COL13A1: variants seen among roughly 807,000 people sequenced by gnomAD.
COL13A1 encodes the protein collagen alpha-1(XIII) chain.
A neutral mutation model predicts 130.9 loss-of-function variants in COL13A1; 89 were observed. That is an observed-to-expected ratio of 0.68 (90% CI 0.57 to 0.81). The LOEUF (loss-of-function observed/expected upper bound fraction) is 0.81, where lower values mean the gene tolerates loss of function less well. Ranked by LOEUF, COL13A1 falls within the 30% of genes least tolerant of loss-of-function variation. COL13A1 has a pLI of 0.00. For missense variants in COL13A1, 879 were observed against 934.6 expected, an observed-to-expected ratio of 0.94 and a Z score of 0.78; for synonymous variants, 402 against 341.6, an observed-to-expected ratio of 1.18 and a Z score of -1.95.
intron 37 of COL13A1, 94 bp from the exon 38 acceptor site, chr10:69,947,213 G>T (rs2068686684): frequency 9.2e-7 from 1 of 1,081,986 alleles, no homozygotes; most frequent in African/African-American, 1.6e-5. Context: ...AGTGAGTGAG[G>T]CATTGGGAGA....
rs769448676 is a variant in COL13A1 at position 69,922,689 on chromosome 10, C to T, written c.1144-19C>T. 7 of 1,588,772 alleles carry T rather than the reference C, an allele frequency of 4.4e-6. No homozygotes were observed. The highest frequency in any genetic ancestry group is 6.0e-6 in the Non-Finnish European group (7 of 1,166,798). ...CCTTCCTCCACACCAGGGATGCTAA[C>T]TCCACCTTCCACCCCCAGGGAGAGA... On this transcript the variant is annotated intron_variant, in intron 22 of 40. Transcript: ENST00000645393.
intron 2 of COL13A1, 36 bp from the exon 3 acceptor site, chr10:69,867,761 AT>A: frequency 1.4e-6 from 1 of 718,252 alleles, no homozygotes. Context: ...CCCTACAGCA[AT>A]GACACTGACC....
Position 69,888,339 on chromosome 10 carries a change from A to T in COL13A1, c.576+9A>T. The T allele has an allele frequency of 1.2e-6, 2 of 1,611,938 alleles. No homozygotes were observed. The highest frequency in any genetic ancestry group is 1.7e-6 in the Non-Finnish European group (2 of 1,179,116). On this transcript the variant is annotated intron_variant, in intron 9 of 40. Coordinates refer to ENST00000645393, the MANE Select transcript of COL13A1 (RefSeq NM_001368882.1). ...GGCTGGACGGCAAACCGGTAAGTGG[A>T]CCCGCTCTCTCCCCTCACTGCAGGT...
chr10:69,935,318 C>T (rs1261869863), intron 31 of COL13A1, 32 bp from the exon 32 acceptor site: 3 of 1,564,674 alleles, frequency 1.9e-6, no homozygotes, highest in Non-Finnish European at 2.6e-6. Context: ...AGGGCCACTT[C>T]AAATGTAACA....
chr10:69,958,829 C>T lies in COL13A1; in HGVS notation c.*128C>T, dbSNP rs2136525303. On this transcript the variant is annotated 3_prime_UTR_variant, in exon 41 of 41. Coordinates refer to ENST00000645393, the MANE Select transcript of COL13A1 (RefSeq NM_001368882.1). ...CAGATTATTAAAAAAGAAAGAAAAACCTGCATATTTTGTACAGAAAATATC... is the reference window on the plus strand; with the variant it reads ...CAGATTATTAAAAAAGAAAGAAAAATCTGCATATTTTGTACAGAAAATATC... 1 of 1,308,608 alleles carries T rather than the reference C, an allele frequency of 7.6e-7. No homozygotes were observed. Among genetic ancestry groups the T allele is most frequent in the Non-Finnish European group, 1.0e-6 (1 of 954,148 alleles). 81.1% of individuals were successfully genotyped at this position (1,308,608 alleles called of 1,614,324 possible). A position where few individuals can be genotyped will look rare whatever the true frequency, so the allele number is the denominator to read the frequency against.
At chr10:69,852,367 T>C (rs369923033) in intron 2 of COL13A1, among the ~76,000 whole-genome samples, 1 of 152,244 alleles carries the variant, frequency 6.6e-6, no homozygotes, top group African/African-American at 2.4e-5. Context: ...GGTACTGATT[T>C]ATCATTTCAC....
At chr10:69,883,293 C>A (rs917522822) in intron 7 of COL13A1, among the ~76,000 whole-genome samples, 7 of 152,172 alleles carry the variant, frequency 4.6e-5, no homozygotes, top group African/African-American at 1.7e-4. Flanking sequence ...GAGGATCTGC[C>A]AGTCCTAGGA....
chr10:69,953,062 C>T, intron 39 of COL13A1, 94 bp downstream of exon 39: 1 of 873,926 alleles, frequency 1.1e-6, no homozygotes, highest in Non-Finnish European at 1.7e-6. Flanking sequence ...AGATGAGAAC[C>T]AAATGTCTAC....
At chr10:69,866,508 G>T (rs1203445870) in intron 2 of COL13A1, among the ~76,000 whole-genome samples, 2 of 152,294 alleles carry the variant, frequency 1.3e-5, no homozygotes, top group South Asian at 4.1e-4. Flanking sequence ...GCGCTCAGGG[G>T]ATATTTTCAG....
chr10:69,932,363 G>GA (rs1240792236), intron 30 of COL13A1, among the ~76,000 whole-genome samples, 197 bp from the exon 31 acceptor site: 2 of 152,160 alleles, frequency 1.3e-5, no homozygotes, highest in Non-Finnish European at 2.9e-5. Flanking sequence ...AGTCCACAGA[G>GA]AGTATCAGCC....
chr10:69,922,755 A>G lies in COL13A1; in HGVS notation c.1191A>G (p.Glu397=), dbSNP rs1589539037. The G allele has an allele frequency of 6.2e-7, 1 of 1,605,358 alleles. No individual in the cohort carries two copies. Among genetic ancestry groups the G allele is most frequent in the Non-Finnish European group, 8.5e-7 (1 of 1,176,424 alleles). Residue 397 remains glutamate (E), a synonymous_variant, in exon 23 of 41, where the codon GAA becomes GAG. Transcript: ENST00000645393. ...AGNSIGGGRG[E]PGPPGLPGPP... is the part of the protein sequence containing the mutation. ...ACTCCATTGGAGGAGGCAGAGGGGA[A>G]CCTGGCCCTCCAGGGCTCCCTGGGC...
chr10:69,825,466 A>G lies in COL13A1; in HGVS notation c.364+3028A>G, dbSNP rs190340297. On this transcript the variant is annotated intron_variant, in intron 2 of 40. Transcript: ENST00000645393. ...ATGCTCTGTGAATGTTCAATAAATG[A>G]GTATCAGTAGTCATTGCTGATGACT... Among the ~76,000 whole-genome samples the G allele has an allele frequency of 1.6e-4, 25 of 152,206 alleles. No homozygotes were observed. In the Middle Eastern group the frequency reaches 0.014, roughly 83 times the overall value.
In COL13A1 at chr10:69,944,048, C is replaced by T. The variant is rs2068066447; in HGVS notation, c.1915-77C>T. The T allele has an allele frequency of 2.4e-6, 3 of 1,246,528 alleles. No individual in the cohort carries two copies. In the South Asian group the frequency reaches 3.7e-5, roughly 15 times the overall value. 77.2% of individuals were successfully genotyped at this position (1,246,528 alleles called of 1,614,324 possible). Reference sequence around the variant, plus strand: ...AAACTGGGCCTTGGACCTTGCTCATCTCTAGGCATCAGGTGGGGCACCCAG... The same window carrying T: ...AAACTGGGCCTTGGACCTTGCTCATTTCTAGGCATCAGGTGGGGCACCCAG... On this transcript the variant is annotated intron_variant, in intron 35 of 40. Transcript: ENST00000645393.
At chr10:69,821,797 C>T (rs115885238) in intron 1 of COL13A1, among the ~76,000 whole-genome samples, 1,524 of 152,290 alleles carry the variant, frequency 0.01, 28 homozygotes, top group African/African-American at 0.032. Flanking sequence ...CCTCGAGGGT[C>T]GGGGTGTTCT....
intron 10 of COL13A1, among the ~76,000 whole-genome samples, chr10:69,890,050 C>T (rs2061016198): frequency 6.6e-6 from 1 of 152,156 alleles, no homozygotes; most frequent in African/African-American, 2.4e-5. Flanking sequence ...TCTTCCATGT[C>T]ACAGCATCCC....
intron 1 of COL13A1, among the ~76,000 whole-genome samples, chr10:69,809,073 G>T (rs1163376163): frequency 6.6e-6 from 1 of 152,212 alleles, no homozygotes; most frequent in Non-Finnish European, 1.5e-5. Flanking sequence ...GCCCCAGCTG[G>T]CTGCCAAGGT....
intron 21 of COL13A1, among the ~76,000 whole-genome samples, chr10:69,920,905 A>T (rs1305394310): frequency 6.6e-6 from 1 of 152,128 alleles, no homozygotes; most frequent in East Asian, 1.9e-4. Flanking sequence ...GGCTTCCCTC[A>T]CCAAATCTGT....
intron 30 of COL13A1, among the ~76,000 whole-genome samples, chr10:69,931,636 C>G (rs566075006): frequency 2.6e-5 from 4 of 152,308 alleles, no homozygotes; most frequent in African/African-American, 9.6e-5. Flanking sequence ...CTCACTGCCT[C>G]CAGACCTGTC....
At chr10:69,806,363 G>A (rs578131938) in intron 1 of COL13A1, among the ~76,000 whole-genome samples, 2 of 152,232 alleles carry the variant, frequency 1.3e-5, no homozygotes, top group African/African-American at 4.8e-5. Context: ...GGGAGCTGCA[G>A]GGAGGGCCGG....
Sources: allele counts gnomAD v4.1 joint callset (sites outside exome capture counted in the v4.1 genomes callset), GRCh38; gene constraint gnomAD v4.1.1; transcripts MANE v1.5; gene names NCBI Gene and HGNC (gene_info 2026-07-23, HGNC 2026-07-21).